Variants in INSYN2A observed in about 807,000 individuals in gnomAD.
INSYN2A encodes family with sequence similarity 196 member A.
In INSYN2A, 17 loss-of-function variants were observed where a neutral mutation model predicts 39.4. That is an observed-to-expected ratio of 0.43 (90% CI 0.30 to 0.65). The LOEUF (loss-of-function observed/expected upper bound fraction) is 0.65, where lower values mean the gene tolerates loss of function less well. INSYN2A is among the 30% of genes least tolerant of loss of function. The probability of loss-of-function intolerance (pLI) is 0.14; values close to 1 mark genes in which losing one functional copy is unlikely to be tolerated. For synonymous variants in INSYN2A, 255 were observed against 265.7 expected (o/e 0.96, Z 0.39); for missense variants, 595 against 631.2 (o/e 0.94, Z 0.61).
chr10:127,187,044 C>A (rs2056337988), intron 2 of INSYN2A, among the ~76,000 whole-genome samples: 1 of 152,324 alleles, frequency 6.6e-6, no homozygotes, highest in Non-Finnish European at 1.5e-5. Flanking sequence ...ATCTCCTGTC[C>A]AGAAGGGAAC....
intron 2 of INSYN2A, among the ~76,000 whole-genome samples, chr10:127,188,260 GC>G (rs2056458151): frequency 6.6e-6 from 1 of 152,146 alleles, no homozygotes; most frequent in Admixed American, 6.5e-5. Context: ...AGAGCTAGTG[GC>G]CAGTTATTGT....
At chr10:127,182,121 C>A (rs576222455) in intron 2 of INSYN2A, among the ~76,000 whole-genome samples, 1 of 152,040 alleles carries the variant, frequency 6.6e-6, no homozygotes, top group Non-Finnish European at 1.5e-5. Flanking sequence ...TGGCACGCCC[C>A]GTTCCCTCGA....
intron 4 of INSYN2A, among the ~76,000 whole-genome samples, chr10:127,162,334 C>T (rs940832128): frequency 6.6e-6 from 1 of 152,150 alleles, no homozygotes; most frequent in Non-Finnish European, 1.5e-5. Context: ...TTTGTCATCC[C>T]ATGTGAGAAC....
chr10:127,148,260 G>A (rs2052114508), intron 5 of INSYN2A, among the ~76,000 whole-genome samples: 1 of 152,162 alleles, frequency 6.6e-6, no homozygotes, highest in African/African-American at 2.4e-5. Context: ...TTTGTGTGGT[G>A]GCTGTGATGA....
At position 127,176,749 on chromosome 10, in the gene INSYN2A, T is replaced by G; in HGVS notation, c.-6+128A>C. 5.1e-6 allele frequency: 1 copy of G among 194,734 alleles called. No individual in the cohort carries two copies. 12.1% of individuals were successfully genotyped at this position (194,734 alleles called of 1,614,324 possible). ...TTTGCAAATTATCTTTTCACACGCG[T>G]GACTCCCCTTCTTAGGCAGATGGTT... is the stretch of plus-strand genomic sequence containing the variant. On this transcript the variant is annotated intron_variant, in intron 3 of 5. Transcript: ENST00000522781. The surrounding 1 kb of genome is among the most constrained non-coding windows in gnomAD (Gnocchi z 4.4).
intron 4 of INSYN2A, among the ~76,000 whole-genome samples, chr10:127,168,113 G>T (rs2054246274): frequency 6.6e-6 from 1 of 152,276 alleles, no homozygotes; most frequent in South Asian, 2.1e-4. Context: ...GTGCACGCAG[G>T]TCAGGAGAGG....
intron 5 of INSYN2A, among the ~76,000 whole-genome samples, chr10:127,139,272 G>A (rs2050997387): frequency 6.6e-6 from 1 of 152,104 alleles, no homozygotes; most frequent in Non-Finnish European, 1.5e-5. Context: ...GACAGAAACA[G>A]CCAAGCTATA....
chr10:127,178,453 C>T lies in INSYN2A; in HGVS notation c.-268-1314G>A, dbSNP rs1351407240. On this transcript the variant is annotated intron_variant, in intron 2 of 5. Transcript: ENST00000522781. ...TGGCTTCTCCCCACTGAAGAAGTAG[C>T]ACCGCTCCCTCCCAGTGTGACAACT... is the stretch of plus-strand genomic sequence containing the variant. Among the ~76,000 whole-genome samples, 3 of 152,148 alleles carry T rather than the reference C, an allele frequency of 2.0e-5. No homozygotes were observed. The East Asian group carries it at 5.8e-4, about 29-fold the overall frequency.
chr10:127,162,028 G>A (rs1258672324), intron 4 of INSYN2A, among the ~76,000 whole-genome samples: 1 of 152,132 alleles, frequency 6.6e-6, no homozygotes, highest in Non-Finnish European at 1.5e-5. Context: ...AGTGTCTGTG[G>A]TAGAGTTACT....
At chr10:127,156,535 TTTCTTC>T (rs542677102) in intron 4 of INSYN2A, among the ~76,000 whole-genome samples, 10,878 of 94,066 alleles carry the variant, frequency 0.12, 1,283 homozygotes, top group African/African-American at 0.27. Flanking sequence ...CTTTTCTCTT[TTTCTTC>T]TTCTTCTTCT....
chr10:127,159,293 G>A (rs985625223), intron 4 of INSYN2A, among the ~76,000 whole-genome samples: 5 of 152,166 alleles, frequency 3.3e-5, no homozygotes, highest in South Asian at 2.1e-4. Flanking sequence ...AGAACACAGC[G>A]TGGAGCTCTA....
intron 1 of INSYN2A, among the ~76,000 whole-genome samples, chr10:127,194,767 C>T (rs760410065): frequency 3.3e-5 from 5 of 152,178 alleles, no homozygotes; most frequent in African/African-American, 1.2e-4. Flanking sequence ...CTATCCTGAG[C>T]TGTAGTCTTC....
chr10:127,190,051 G>C (rs1401848252), intron 2 of INSYN2A, among the ~76,000 whole-genome samples: 1 of 152,112 alleles, frequency 6.6e-6, no homozygotes, highest in Non-Finnish European at 1.5e-5. Flanking sequence ...TCAGCATTTG[G>C]GTTATAAGAA....
chr10:127,169,302 G>T (rs1398550544), intron 4 of INSYN2A, among the ~76,000 whole-genome samples: 1 of 152,130 alleles, frequency 6.6e-6, no homozygotes, highest in Non-Finnish European at 1.5e-5. Context: ...CCCCTCAAAG[G>T]CTGGGCCCGA....
intron 4 of INSYN2A, among the ~76,000 whole-genome samples, chr10:127,168,722 C>A (rs1564861539): frequency 6.6e-6 from 1 of 152,186 alleles, no homozygotes; most frequent in East Asian, 1.9e-4. Context: ...TCACTGTGCC[C>A]AGCTTTCCCC....
intron 4 of INSYN2A, among the ~76,000 whole-genome samples, chr10:127,167,272 A>G (rs2054163703): frequency 6.6e-6 from 1 of 152,186 alleles, no homozygotes; most frequent in Non-Finnish European, 1.5e-5. Flanking sequence ...GGGGTTTCGA[A>G]CTTGAATATT....
intron 5 of INSYN2A, among the ~76,000 whole-genome samples, chr10:127,139,876 AT>A (rs2051055912): frequency 6.6e-6 from 1 of 152,206 alleles, no homozygotes; most frequent in Non-Finnish European, 1.5e-5. Flanking sequence ...TTATTGTACC[AT>A]TATTATCTAT....
At chr10:127,148,141 C>T (rs1466265900) in intron 5 of INSYN2A, among the ~76,000 whole-genome samples, 1 of 152,164 alleles carries the variant, frequency 6.6e-6, no homozygotes, top group Non-Finnish European at 1.5e-5. Context: ...CAAGCTCCCC[C>T]TCTCTGATGT....
intron 2 of INSYN2A, among the ~76,000 whole-genome samples, chr10:127,185,400 C>T (rs2056136047): frequency 6.6e-6 from 1 of 152,132 alleles, no homozygotes; most frequent in Non-Finnish European, 1.5e-5. Context: ...GTGATGCGTG[C>T]CTGTAATCCC....
Sources: gnomAD v4.1 joint callset for allele counts (sites outside exome capture counted in the v4.1 genomes callset) on GRCh38, gnomAD v4.1.1 for gene constraint, Gnocchi (gnomAD v3.1) non-coding constraint, MANE v1.5 for transcripts, NCBI Gene and HGNC (gene_info 2026-07-23, HGNC 2026-07-21) for gene names.